Variants in CELF2 observed in about 807,000 individuals in gnomAD.
CELF2 encodes the protein CUGBP Elav-like family member 2.
A neutral mutation model predicts 62.6 loss-of-function variants in CELF2; 8 were observed. The ratio of observed to expected loss-of-function variants is 0.13; its 90% CI spans 0.07 to 0.23. The LOEUF (loss-of-function observed/expected upper bound fraction) is 0.23. Ranked by LOEUF, CELF2 falls within the 10% of genes least tolerant of loss-of-function variation. CELF2 has a pLI of 1.00. For missense variants in CELF2, 333 were observed against 671.0 expected, an observed-to-expected ratio of 0.50 and a Z score of 5.56; for synonymous variants, 258 against 250.0, an observed-to-expected ratio of 1.03 and a Z score of -0.30.
chr10:10,951,037 T>G (rs1214144671), intron 2 of CELF2, among the ~76,000 whole-genome samples: 1 of 152,222 alleles, frequency 6.6e-6, no homozygotes, highest in Admixed American at 6.5e-5. Flanking sequence ...TTCAGACCCC[T>G]CTATTTCATG....
intron 1 of CELF2, among the ~76,000 whole-genome samples, chr10:10,878,799 G>A (rs1008905181): frequency 1.3e-5 from 2 of 152,194 alleles, no homozygotes; most frequent in African/African-American, 4.8e-5. Flanking sequence ...ACAGAGGAAA[G>A]CAACCGTCCT....
At chr10:11,124,495 T>A (rs562283481) in intron 1 of CELF2, among the ~76,000 whole-genome samples, 4 of 152,354 alleles carry the variant, frequency 2.6e-5, no homozygotes, top group African/African-American at 9.6e-5. Context: ...TTGATGTTTT[T>A]TAGATCTAAA....
intron 1 of CELF2, among the ~76,000 whole-genome samples, chr10:10,804,384 A>G (rs557498766): frequency 6.6e-6 from 1 of 152,262 alleles, no homozygotes. Context: ...AACTTGGTCC[A>G]TGATCTAGAC....
rs564341950 is a variant in CELF2, at chr10:11,309,204, T to C, written c.977-4935T>C. Among the ~76,000 whole-genome samples, 21 of 152,380 alleles carry C rather than the reference T, an allele frequency of 1.4e-4. No homozygotes were observed. The South Asian group carries it at 3.9e-3, about 29-fold the overall frequency. ...TGTTCTTGTTCCCTTGCATATATCA[T>C]AGCTTTCTATTAACAACAGGACATT... On this transcript the variant is annotated intron_variant, in intron 9 of 12. Coordinates refer to ENST00000633077, the MANE Select transcript of CELF2 (RefSeq NM_001326342.2). The surrounding 1 kb of genome is among the most constrained non-coding windows in gnomAD (Gnocchi z 5.6).
chr10:11,143,401 G>A (rs939199813), intron 1 of CELF2, among the ~76,000 whole-genome samples: 3 of 152,208 alleles, frequency 2.0e-5, no homozygotes, highest in Non-Finnish European at 4.4e-5. Flanking sequence ...CTAGGGACTT[G>A]ACCATTGCAG....
chr10:10,637,454 A>G, the CELF2 span, among the ~76,000 whole-genome samples: 5 of 152,136 alleles, frequency 3.3e-5, no homozygotes, highest in African/African-American at 1.2e-4. Flanking sequence ...ATTGTATTTG[A>G]GGTTCTGTCT....
At chr10:11,105,983 G>A (rs1218768716) in intron 1 of CELF2, among the ~76,000 whole-genome samples, 1 of 152,182 alleles carries the variant, frequency 6.6e-6, no homozygotes, top group Non-Finnish European at 1.5e-5. Context: ...TCAAAGCTAT[G>A]CAGGTATTCA....
chr10:11,323,505 G>C (rs185913226), intron 11 of CELF2, among the ~76,000 whole-genome samples: 19 of 151,824 alleles, frequency 1.3e-4, no homozygotes, highest in African/African-American at 4.6e-4. Context: ...CCGAGGTTGC[G>C]AGACCTGGTG....
At position 10,995,232 on chromosome 10, in the gene CELF2, G is replaced by A. The variant is rs552789588; in HGVS notation, c.89+75233G>A. Among the ~76,000 whole-genome samples, 2 of 152,258 alleles carry A rather than the reference G, an allele frequency of 1.3e-5. No homozygotes were observed. The highest frequency in any genetic ancestry group is 2.1e-4 in the South Asian group (1 of 4,824). ...ACTGTAGTCCTTCAGAAAAAGAAAC[G>A]TGTGGCTCATGTAGCTCGTCACATT... On this transcript the variant is annotated intron_variant, in intron 2 of 13. Transcript: ENST00000636488. This position sits in a 1 kb window ranked among gnomAD's most constrained non-coding sequence, Gnocchi z 4.7.
At position 11,246,158 on chromosome 10, in the gene CELF2, T is replaced by G. The variant is rs1176897445; in HGVS notation, c.355-2995T>G. On this transcript the variant is annotated intron_variant, in intron 3 of 12. Coordinates refer to ENST00000633077, the MANE Select transcript of CELF2 (RefSeq NM_001326342.2). The surrounding 1 kb of genome is among the most constrained non-coding windows in gnomAD (Gnocchi z 4.6). ...GCTCACAGTGCTCTATTTGTGCTCTTCTGTTTGTCCCTGTTTTTTATGTGG... is the reference window on the plus strand; with the variant it reads ...GCTCACAGTGCTCTATTTGTGCTCTGCTGTTTGTCCCTGTTTTTTATGTGG... Among the ~76,000 whole-genome samples the G allele has an allele frequency of 6.6e-6, 1 of 152,100 alleles. No homozygotes were observed. Among genetic ancestry groups the G allele is most frequent in the Non-Finnish European group, 1.5e-5 (1 of 68,016 alleles).
intron 2 of CELF2, among the ~76,000 whole-genome samples, chr10:10,966,277 AC>A (rs2136084678): frequency 6.6e-6 from 1 of 152,310 alleles, no homozygotes; most frequent in South Asian, 2.1e-4. Context: ...TTAGCTAGTG[AC>A]TGGGGAGACT....
rs547581494 is a variant in CELF2 at position 10,990,968 on chromosome 10, C to A, written c.89+70969C>A. On this transcript the variant is annotated intron_variant, in intron 2 of 13. Coordinates refer to the CELF2 transcript ENST00000636488. The surrounding 1 kb of genome is among the most constrained non-coding windows in gnomAD (Gnocchi z 4.6). ...ACAGCATCTTTTTGAGGTTCTTTTG[C>A]GTGTGTGTGTGTGTGTGTGTGCCCA... Among the ~76,000 whole-genome samples the A allele has an allele frequency of 3.4e-5, 5 of 148,486 alleles. No individual in the cohort carries two copies. Among genetic ancestry groups the A allele is most frequent in the Non-Finnish European group, 7.5e-5 (5 of 66,876 alleles).
intron 1 of CELF2, among the ~76,000 whole-genome samples, chr10:10,864,161 C>A (rs1227358383): frequency 6.6e-6 from 1 of 152,126 alleles, no homozygotes; most frequent in African/African-American, 2.4e-5. Flanking sequence ...CGTACATACA[C>A]ACATAAAATA....
chr10:11,150,678 T>C (rs1346821707), intron 1 of CELF2, among the ~76,000 whole-genome samples: 3 of 152,240 alleles, frequency 2.0e-5, no homozygotes, highest in Non-Finnish European at 2.9e-5. Context: ...TGGGCAGCCA[T>C]TTGTTTTCAG....
chr10:10,569,194 G>A, the CELF2 span, among the ~76,000 whole-genome samples: 1 of 152,098 alleles, frequency 6.6e-6, no homozygotes, highest in Non-Finnish European at 1.5e-5. Context: ...AGACATACCT[G>A]AGACTGGGTA....
the CELF2 span, among the ~76,000 whole-genome samples, chr10:10,573,770 T>A: frequency 7.0e-6 from 1 of 142,852 alleles, no homozygotes; most frequent in Non-Finnish European, 1.5e-5. Context: ...TTTCAGCTTT[T>A]ATGGGATTAA....
At chr10:10,660,798 A>AACCTGGAG in the CELF2 span, among the ~76,000 whole-genome samples, 1 of 152,228 alleles carries the variant, frequency 6.6e-6, no homozygotes, top group African/African-American at 2.4e-5. Flanking sequence ...TTTTTAAAGG[A>AACCTGGAG]ACCTGGAGAA....
the CELF2 span, among the ~76,000 whole-genome samples, chr10:10,648,162 A>G: frequency 4.6e-5 from 7 of 152,230 alleles, no homozygotes; most frequent in Non-Finnish European, 8.8e-5. Flanking sequence ...GCCCAGGCAC[A>G]GTAGCACCTC....
chr10:10,558,443 T>A, the CELF2 span, among the ~76,000 whole-genome samples: 1 of 152,178 alleles, frequency 6.6e-6, no homozygotes, highest in Non-Finnish European at 1.5e-5. Flanking sequence ...TTGCCAGTAT[T>A]TTATTGAGGA....
Sources: gnomAD v4.1 joint callset for allele counts (sites outside exome capture counted in the v4.1 genomes callset) on GRCh38, gnomAD v4.1.1 for gene constraint, Gnocchi (gnomAD v3.1) non-coding constraint, MANE v1.5 for transcripts, NCBI Gene and HGNC (gene_info 2026-07-23, HGNC 2026-07-21) for gene names.